The following VTI1A variants were observed in gnomAD, a reference collection of about 807,000 sequenced individuals.
VTI1A encodes vesicle transport through interaction with t-SNAREs homolog 1A.
VTI1A carries 22 observed loss-of-function variants against 34.9 expected under a neutral mutation model. The ratio of observed to expected loss-of-function variants is 0.63; its 90% confidence interval spans 0.45 to 0.90. The LOEUF (loss-of-function observed/expected upper bound fraction) is 0.90. Among genes scored for constraint, VTI1A ranks in the 40% least tolerant of loss-of-function variants. VTI1A has a pLI of 0.00. For missense variants in VTI1A, 268 were observed against 275.6 expected, an observed-to-expected ratio of 0.97 and a Z score of 0.20; for synonymous variants, 87 against 97.3, an observed-to-expected ratio of 0.89 and a Z score of 0.62.
chr10:112,506,598 T>C (rs1849439235), intron 3 of VTI1A, among the ~76,000 whole-genome samples: 1 of 152,234 alleles, frequency 6.6e-6, no homozygotes, highest in Non-Finnish European at 1.5e-5. Context: ...ACCATTTTGC[T>C]CTTGTTGTCT....
At chr10:112,474,473 T>TA (rs1438669768) in intron 3 of VTI1A, among the ~76,000 whole-genome samples, 1 of 151,472 alleles carries the variant, frequency 6.6e-6, no homozygotes, top group Non-Finnish European at 1.5e-5. Flanking sequence ...TTTTTTTTTT[T>TA]AAGACAGGGC....
At chr10:112,649,795 C>T (rs1846939910) in intron 5 of VTI1A, among the ~76,000 whole-genome samples, 1 of 152,124 alleles carries the variant, frequency 6.6e-6, no homozygotes, top group Non-Finnish European at 1.5e-5. Context: ...TGTTACTGTA[C>T]TGAATACTAT....
chr10:112,735,074 T>C (rs1003531503), intron 7 of VTI1A, among the ~76,000 whole-genome samples: 1 of 152,242 alleles, frequency 6.6e-6, no homozygotes, highest in Non-Finnish European at 1.5e-5. Context: ...TATTTTTATC[T>C]TCTGTTGAAT....
intron 4 of VTI1A, among the ~76,000 whole-genome samples, chr10:112,529,418 C>T (rs930452023): frequency 2.6e-5 from 4 of 151,972 alleles, no homozygotes; most frequent in Non-Finnish European, 4.4e-5. Context: ...TTTTTTATTC[C>T]GCATCAGCAT....
At chr10:112,460,432 C>G (rs1361741832) in intron 1 of VTI1A, 92 bp from the exon 2 acceptor site, 2 of 1,139,588 alleles carry the variant, frequency 1.8e-6, no homozygotes, top group Non-Finnish European at 2.4e-6. Flanking sequence ...TCTGATTGAC[C>G]AGAAAGGAAA....
intron 5 of VTI1A, among the ~76,000 whole-genome samples, chr10:112,570,099 T>C (rs1852062121): frequency 6.6e-6 from 1 of 152,240 alleles, no homozygotes; most frequent in African/African-American, 2.4e-5. Context: ...ATATGGCCCT[T>C]GCTTTTTGTT....
chr10:112,832,765 CA>C, the VTI1A span, among the ~76,000 whole-genome samples: 4 of 152,230 alleles, frequency 2.6e-5, no homozygotes, highest in Non-Finnish European at 5.9e-5. Context: ...CCTCTCTCAG[CA>C]GTGGCCACGG....
intron 5 of VTI1A, among the ~76,000 whole-genome samples, chr10:112,596,699 T>G (rs181267517): frequency 6.6e-6 from 1 of 152,322 alleles, no homozygotes; most frequent in Non-Finnish European, 1.5e-5. Context: ...GAAGGTATGC[T>G]TGTACTTTTT....
intron 7 of VTI1A, among the ~76,000 whole-genome samples, chr10:112,763,512 CTGCACTAAGG>C (rs1851549744): frequency 6.6e-6 from 1 of 151,888 alleles, no homozygotes; most frequent in South Asian, 2.1e-4. Flanking sequence ...CATGCCTCAC[CTGCACTAAGG>C]TGATGAGGTT....
At chr10:112,746,854 A>T (rs1850915609) in intron 7 of VTI1A, among the ~76,000 whole-genome samples, 1 of 152,236 alleles carries the variant, frequency 6.6e-6, no homozygotes, top group African/African-American at 2.4e-5. Flanking sequence ...ATATGTCCGA[A>T]CTAGAAGGTT....
intron 3 of VTI1A, among the ~76,000 whole-genome samples, chr10:112,517,044 T>C (rs1849806808): frequency 6.6e-6 from 1 of 151,962 alleles, no homozygotes; most frequent in Non-Finnish European, 1.5e-5. Context: ...ATGAATGAGA[T>C]CACTCAGATG....
At chr10:112,707,483 G>A (rs187536516) in intron 7 of VTI1A, among the ~76,000 whole-genome samples, 188 of 152,030 alleles carry the variant, frequency 1.2e-3, no homozygotes, top group African/African-American at 4.3e-3. Flanking sequence ...ACAGGCACGC[G>A]CCCCCATGCC....
chr10:112,481,508 T>A (rs947917904), intron 3 of VTI1A, among the ~76,000 whole-genome samples: 1 of 152,224 alleles, frequency 6.6e-6, no homozygotes, highest in East Asian at 1.9e-4. Context: ...GTATATTAAC[T>A]CCCTGGTAAG....
chr10:112,788,000 CACCAAA>C (rs1852346741), intron 7 of VTI1A, among the ~76,000 whole-genome samples: 1 of 151,630 alleles, frequency 6.6e-6, no homozygotes, highest in Admixed American at 6.6e-5. Context: ...CGCGCCTGGC[CACCAAA>C]TTACTTTCTA....
chr10:112,707,787 T>A (rs926759490), intron 7 of VTI1A, among the ~76,000 whole-genome samples: 1 of 152,246 alleles, frequency 6.6e-6, no homozygotes, highest in South Asian at 2.1e-4. Context: ...TTGTCCTAAA[T>A]TGGAAGATGA....
intron 7 of VTI1A, among the ~76,000 whole-genome samples, chr10:112,747,264 C>T (rs1216597908): frequency 2.6e-5 from 4 of 152,196 alleles, no homozygotes; most frequent in Admixed American, 1.3e-4. Flanking sequence ...TTATCATCTG[C>T]CACAAGTATT....
At chr10:112,458,955 C>T (rs753484351) in intron 1 of VTI1A, among the ~76,000 whole-genome samples, 4 of 152,228 alleles carry the variant, frequency 2.6e-5, no homozygotes, top group East Asian at 1.9e-4. Flanking sequence ...CGTGAGCCAC[C>T]GCGCCCGGCC....
intron 7 of VTI1A, among the ~76,000 whole-genome samples, chr10:112,695,591 C>T (rs1350891820): frequency 6.6e-6 from 1 of 152,122 alleles, no homozygotes; most frequent in Admixed American, 6.5e-5. Flanking sequence ...AATATGGCGC[C>T]AGTTGATTAT....
Position 112,737,766 on chromosome 10 carries a change from T to C in VTI1A, c.560+68768T>C, listed in dbSNP as rs1850545988. On this transcript the variant is annotated intron_variant, in intron 7 of 7. Transcript: ENST00000393077. ...CGCCTTTCCTCTCAGGACATACTTC[T>C]GGAGATCAAAAAAAAAAATTACAAA... 2.8e-6 allele frequency: 3 copies of C among 1,059,866 alleles called. No homozygotes were observed. The East Asian group carries it at 1.5e-4, about 55-fold the overall frequency. 65.7% of individuals were successfully genotyped at this position (1,059,866 alleles called of 1,614,324 possible).
Sources: gnomAD v4.1 joint callset for allele counts (sites outside exome capture counted in the v4.1 genomes callset) on GRCh38, gnomAD v4.1.1 for gene constraint, MANE v1.5 for transcripts, NCBI Gene and HGNC (gene_info 2026-07-23, HGNC 2026-07-21) for gene names.